GOLGA5: variants seen among roughly 807,000 people sequenced by gnomAD.
GOLGA5 encodes golgin A5, also known as golgin subfamily A member 5.
In GOLGA5, 50 loss-of-function variants were observed where a neutral mutation model predicts 93.5. That is an observed-to-expected ratio of 0.53 (90% CI 0.43 to 0.68). The LOEUF is 0.68. GOLGA5 is among the 30% of genes least tolerant of loss of function. GOLGA5 has a pLI of 0.00. For missense variants in GOLGA5, 760 were observed against 856.4 expected, an observed-to-expected ratio of 0.89 and a Z score of 1.40; for synonymous variants, 312 against 304.5, an observed-to-expected ratio of 1.02 and a Z score of -0.26.
rs560827139 is a variant in GOLGA5 at position 92,795,896 on chromosome 14, A to G, written c.-31+1440A>G. 1.2e-3 allele frequency among the ~76,000 whole-genome samples: 176 copies of G among 152,370 alleles called. 1 individual carries two copies. The highest frequency in any genetic ancestry group is 4.4e-3 in the Admixed American group (67 of 15,314). On this transcript the variant is annotated intron_variant, in intron 1 of 12. Coordinates refer to ENST00000163416, the MANE Select transcript of GOLGA5 (RefSeq NM_005113.4). ...TAACCATGAAAGAGTTCTTGGCAAA[A>G]GGAACAACGTGCACATTCTAGAAAT...
chr14:92,804,983 T>TC (rs765903533), intron 2 of GOLGA5, among the ~76,000 whole-genome samples: 1 of 152,194 alleles, frequency 6.6e-6, no homozygotes, highest in Non-Finnish European at 1.5e-5. Context: ...AGGTGCCCAT[T>TC]CCCTACCCCA....
intron 7 of GOLGA5, 99 bp from the exon 8 acceptor site, chr14:92,819,609 G>C: frequency 1.8e-6 from 2 of 1,117,702 alleles, no homozygotes; most frequent in Middle Eastern, 2.5e-4. Flanking sequence ...CTCCAGCCTG[G>C]GTGACGTGAG....
intron 2 of GOLGA5, among the ~76,000 whole-genome samples, chr14:92,801,444 G>T (rs1566952538): frequency 6.6e-6 from 1 of 152,142 alleles, no homozygotes; most frequent in Non-Finnish European, 1.5e-5. Context: ...TTCTGGAAGT[G>T]TCAAGTCTTT....
intron 5 of GOLGA5, chr14:92,810,633 TC>T (rs1229941310): frequency 4.4e-6 from 1 of 227,150 alleles, no homozygotes; most frequent in Admixed American, 5.7e-5. Context: ...TTTGCAACAA[TC>T]ATTGTCATTA....
At chr14:92,818,929 A>T (rs762133443) in intron 7 of GOLGA5, among the ~76,000 whole-genome samples, 60 of 152,348 alleles carry the variant, frequency 3.9e-4, no homozygotes, top group South Asian at 6.2e-4. Context: ...GAACATGTAA[A>T]AACCAATAAT....
At chr14:92,832,404 G>T (rs151086079) in intron 9 of GOLGA5, among the ~76,000 whole-genome samples, 1 of 152,156 alleles carries the variant, frequency 6.6e-6, no homozygotes, top group East Asian at 1.9e-4. Flanking sequence ...AAACGTGGCC[G>T]GCATAGCGGA....
At chr14:92,825,711 A>C (rs1377688963) in intron 9 of GOLGA5, among the ~76,000 whole-genome samples, 4 of 151,972 alleles carry the variant, frequency 2.6e-5, no homozygotes, top group Admixed American at 1.3e-4. Flanking sequence ...AAATCAAAAA[A>C]TTAGGCGTGG....
intron 6 of GOLGA5, among the ~76,000 whole-genome samples, chr14:92,815,699 CTTTTT>C (rs571410551): frequency 8.8e-5 from 8 of 91,262 alleles, no homozygotes; most frequent in Admixed American, 1.3e-4. Context: ...TTTTTTTAAT[CTTTTT>C]TTTTTTTTTT....
At chr14:92,795,629 G>T (rs1030422756) in intron 1 of GOLGA5, among the ~76,000 whole-genome samples, 2 of 152,238 alleles carry the variant, frequency 1.3e-5, no homozygotes, top group African/African-American at 4.8e-5. Context: ...GTATTTGTGA[G>T]TGCCTACTGT....
At chr14:92,804,725 A>G (rs7156410) in intron 2 of GOLGA5, among the ~76,000 whole-genome samples, 109,681 of 147,220 alleles carry the variant, frequency 0.75, 41,044 homozygotes, top group East Asian at 0.85. Context: ...GTGCAGTCTC[A>G]GCTCATTGCA....
intron 1 of GOLGA5, among the ~76,000 whole-genome samples, chr14:92,794,943 C>T (rs1420983098): frequency 1.3e-5 from 2 of 152,196 alleles, no homozygotes; most frequent in East Asian, 3.8e-4. Context: ...CCTCTGAAGT[C>T]CTTCGTGTCT....
Position 92,797,836 on chromosome 14 carries a change from G to C in GOLGA5, c.399G>C (p.Glu133Asp). The change falls in exon 2 of 13, where the codon GAG becomes GAC. Residue 133 changes from glutamate to aspartate, a missense_variant. Glu to Asp is a conservative substitution (Grantham distance 45). Transcript: ENST00000163416. The part of the protein sequence containing the change: ...LFDFLNSSQK[E>D]PTGRVEIRKE... ...ATTTTCTTAATAGTTCACAGAAGGA[G>C]CCTACCGGGAGGGTGGAAATCAGAA... 6.2e-7 allele frequency: 1 copy of C among 1,614,092 alleles called. No homozygotes were observed. Among genetic ancestry groups the C allele is most frequent in the South Asian group, 1.1e-5 (1 of 91,074 alleles).
intron 2 of GOLGA5, among the ~76,000 whole-genome samples, chr14:92,799,433 C>T (rs1396193685): frequency 5.0e-5 from 7 of 139,694 alleles, no homozygotes; most frequent in African/African-American, 1.9e-4. Context: ...CCTGCCATCA[C>T]GCCTGGCTAA....
chr14:92,831,726 C>A (rs1472286691), intron 9 of GOLGA5, among the ~76,000 whole-genome samples: 2 of 151,944 alleles, frequency 1.3e-5, no homozygotes, highest in African/African-American at 4.8e-5. Flanking sequence ...AAATAGTAAA[C>A]CTTAGTTTAT....
At chr14:92,795,740 C>G (rs1403232979) in intron 1 of GOLGA5, among the ~76,000 whole-genome samples, 1 of 151,696 alleles carries the variant, frequency 6.6e-6, no homozygotes, top group Non-Finnish European at 1.5e-5. Context: ...TAAAAAAATA[C>G]GTAATTATAA....
intron 2 of GOLGA5, among the ~76,000 whole-genome samples, chr14:92,800,013 T>G (rs954526773): frequency 1.3e-5 from 2 of 152,224 alleles, no homozygotes; most frequent in Admixed American, 1.3e-4. Flanking sequence ...TTCTTGTATT[T>G]TCAAGACAAA....
rs191832514 is a variant in GOLGA5, at chr14:92,816,868, G to A, written c.1491+447G>A. Among the ~76,000 whole-genome samples, 134 of 152,276 alleles carry A rather than the reference G, an allele frequency of 8.8e-4. 2 individuals are homozygous for A. The East Asian group carries it at 0.022, about 25-fold the overall frequency. ...TTGCAGCCCGTGCTGGGCTAAAGCA[G>A]TAGGTTTCTTTCTTTCTTTCTTTCC... On this transcript the variant is annotated intron_variant, in intron 7 of 12. Transcript: ENST00000163416.
rs1885716117 is a variant in GOLGA5, at chr14:92,839,546, AT to A, written c.*104del. 1.4e-6 allele frequency: 1 copy of A among 722,832 alleles called. No homozygotes were observed. Among genetic ancestry groups the A allele is most frequent in the Non-Finnish European group, 2.5e-6 (1 of 406,388 alleles). 44.8% of individuals were successfully genotyped at this position (722,832 alleles called of 1,614,324 possible). On this transcript the variant is annotated 3_prime_UTR_variant, in exon 13 of 13. Transcript: ENST00000163416. ...ATTTCTGAGAACAGTGCACAAGATT[AT>A]TTTATCACTACAAGCTTTTAACTTT...
chr14:92,795,772 A>G lies in GOLGA5; in HGVS notation c.-31+1316A>G, dbSNP rs117658637. Among the ~76,000 whole-genome samples the G allele has an allele frequency of 8.7e-3, 1,327 of 152,362 alleles. 9 individuals carry two copies. The highest frequency in any genetic ancestry group is 0.012 in the Non-Finnish European group (839 of 68,036). ...ATAAAACATGAAGGACTGTGAAGCAAAAGAATAGGGTATGTACAGATAATG... is the reference window on the plus strand; with the variant it reads ...ATAAAACATGAAGGACTGTGAAGCAGAAGAATAGGGTATGTACAGATAATG... On this transcript the variant is annotated intron_variant, in intron 1 of 12. Coordinates refer to ENST00000163416, the MANE Select transcript of GOLGA5 (RefSeq NM_005113.4).
Sources: gnomAD v4.1 joint callset for allele counts (sites outside exome capture counted in the v4.1 genomes callset) on GRCh38, gnomAD v4.1.1 for gene constraint, MANE v1.5 for transcripts, NCBI Gene and HGNC (gene_info 2026-07-23, HGNC 2026-07-21) for gene names.